The following SUPT3H variants were observed in gnomAD, a reference collection of about 807,000 sequenced individuals.
SUPT3H encodes transcription initiation protein SPT3 homolog.
SUPT3H carries 44 observed loss-of-function variants against 44.3 expected under a neutral mutation model. The observed-to-expected ratio is 0.99, with a 90% CI of 0.78 to 1.28. The LOEUF (loss-of-function observed/expected upper bound fraction) is 1.28, where lower values mean the gene tolerates loss of function less well. SUPT3H is among the 50% of genes most tolerant of loss of function. The pLI, the probability that SUPT3H is intolerant of heterozygous loss-of-function variation, is 0.00. For synonymous variants in SUPT3H, 124 were observed against 125.6 expected, an observed-to-expected ratio of 0.99 and a Z score of 0.09; for missense variants, 380 against 387.1, an observed-to-expected ratio of 0.98 and a Z score of 0.15.
intron 10 of SUPT3H, among the ~76,000 whole-genome samples, chr6:44,925,989 G>T (rs755935222): frequency 6.6e-6 from 1 of 151,892 alleles, no homozygotes; most frequent in Non-Finnish European, 1.5e-5. Flanking sequence ...CCTCAATATT[G>T]TATTCTTTAT....
intron 6 of SUPT3H, among the ~76,000 whole-genome samples, chr6:44,990,864 TTTA>T (rs371748290): frequency 6.8e-6 from 1 of 147,888 alleles, no homozygotes; most frequent in Non-Finnish European, 1.5e-5. Context: ...TTAAAATAAA[TTTA>T]TTATTTTAAT....
At chr6:45,039,628 A>T (rs1788206657) in intron 3 of SUPT3H, among the ~76,000 whole-genome samples, 1 of 151,962 alleles carries the variant, frequency 6.6e-6, no homozygotes, top group Non-Finnish European at 1.5e-5. Flanking sequence ...AAAAATACAA[A>T]ATTTAGCTGG....
intron 10 of SUPT3H, among the ~76,000 whole-genome samples, chr6:44,847,956 G>GTTTTT (rs1772167389): frequency 9.4e-6 from 1 of 106,798 alleles, no homozygotes; most frequent in Non-Finnish European, 1.9e-5. Context: ...TTATCTCTGT[G>GTTTTT]TCTTTTTTTT....
intron 2 of SUPT3H, among the ~76,000 whole-genome samples, chr6:45,331,521 G>A (rs1787505560): frequency 1.3e-5 from 2 of 151,672 alleles, no homozygotes; most frequent in African/African-American, 4.8e-5. Flanking sequence ...ACAAAGTTAA[G>A]AACAAACACA....
intron 6 of SUPT3H, among the ~76,000 whole-genome samples, chr6:44,984,486 A>C (rs943164517): frequency 3.3e-5 from 5 of 152,172 alleles, no homozygotes; most frequent in African/African-American, 1.2e-4. Context: ...ACATCCTTAT[A>C]AAATGAGAAA....
At chr6:45,374,657 C>G (rs1796522625) in intron 1 of SUPT3H, among the ~76,000 whole-genome samples, 1 of 152,096 alleles carries the variant, frequency 6.6e-6, no homozygotes, top group African/African-American at 2.4e-5. Flanking sequence ...TCAACCTCAC[C>G]ATAAAATAAA....
chr6:45,244,604 T>A (rs185805969), intron 2 of SUPT3H, among the ~76,000 whole-genome samples: 503 of 152,230 alleles, frequency 3.3e-3, no homozygotes, highest in Admixed American at 5.9e-3. Context: ...CTACACTAAT[T>A]TTACCCAATT....
intron 2 of SUPT3H, among the ~76,000 whole-genome samples, chr6:45,107,835 T>C (rs897436736): frequency 2.0e-5 from 3 of 152,192 alleles, no homozygotes; most frequent in African/African-American, 7.2e-5. Flanking sequence ...CTACAGCCTA[T>C]ACATACCTGA....
In SUPT3H at chr6:45,078,070, G is replaced by A. The variant is rs149623984; in HGVS notation, c.186+27852C>T. ...GTATTTTCAGTAGAGACAGAGTTTCGCCATGTTGGCCAGACTGGTCTTGAA... is the reference window on the plus strand; with the variant it reads ...GTATTTTCAGTAGAGACAGAGTTTCACCATGTTGGCCAGACTGGTCTTGAA... On this transcript the variant is annotated intron_variant, in intron 3 of 10. Transcript: ENST00000371459. Among the ~76,000 whole-genome samples, 392 of 152,178 alleles carry A rather than the reference G, an allele frequency of 2.6e-3. 3 individuals carry two copies. The highest frequency in any genetic ancestry group is 8.6e-3 in the African/African-American group (358 of 41,516).
chr6:45,373,451 G>T (rs1713053100), intron 1 of SUPT3H, among the ~76,000 whole-genome samples: 1 of 152,016 alleles, frequency 6.6e-6, no homozygotes, highest in Non-Finnish European at 1.5e-5. Flanking sequence ...AGAAAATGTT[G>T]GTTCTCCCTT....
At chr6:45,188,697 G>A (rs888540804) in intron 2 of SUPT3H, among the ~76,000 whole-genome samples, 1 of 151,702 alleles carries the variant, frequency 6.6e-6, no homozygotes, top group East Asian at 1.9e-4. Flanking sequence ...ATAAACTGAT[G>A]CTGAAAAATC....
intron 10 of SUPT3H, among the ~76,000 whole-genome samples, chr6:44,879,695 G>A (rs746489835): frequency 1.2e-4 from 18 of 152,248 alleles, no homozygotes; most frequent in Middle Eastern, 3.4e-3. Flanking sequence ...GGCATCTGGC[G>A]GGTGCCCCAC....
chr6:45,049,058 T>C lies in SUPT3H; in HGVS notation c.187-28426A>G, dbSNP rs566897057. On this transcript the variant is annotated intron_variant, in intron 3 of 10. Transcript: ENST00000371459. ...TCTTCTCACTACAAAAAAATTAATA[T>C]GTGAAGTAATACATATATTAATTAG... 3.3e-5 allele frequency among the ~76,000 whole-genome samples: 5 copies of C among 152,150 alleles called. No individual in the cohort carries two copies. In the East Asian group the frequency reaches 9.6e-4, roughly 29 times the overall value.
chr6:45,232,524 A>G (rs2153640953), intron 2 of SUPT3H, among the ~76,000 whole-genome samples: 1 of 152,292 alleles, frequency 6.6e-6, no homozygotes, highest in East Asian at 1.9e-4. Context: ...AGGCAGGCCA[A>G]TTCGTGGGCA....
chr6:45,295,347 G>A (rs1005117107), intron 2 of SUPT3H, among the ~76,000 whole-genome samples: 23 of 151,736 alleles, frequency 1.5e-4, no homozygotes, highest in African/African-American at 5.3e-4. Context: ...AACTCAAGAT[G>A]GATTAAGGAC....
intron 3 of SUPT3H, among the ~76,000 whole-genome samples, chr6:45,033,676 G>A (rs1038576139): frequency 2.0e-5 from 3 of 152,122 alleles, no homozygotes; most frequent in Admixed American, 6.6e-5. Context: ...TGAGGAGTGT[G>A]TAAAGTTAAC....
At chr6:45,199,906 G>C (rs1030932897) in intron 2 of SUPT3H, among the ~76,000 whole-genome samples, 3 of 151,332 alleles carry the variant, frequency 2.0e-5, no homozygotes, top group Non-Finnish European at 4.4e-5. Context: ...ATGTGAGTCT[G>C]TGGCTTAACT....
intron 2 of SUPT3H, among the ~76,000 whole-genome samples, chr6:45,345,414 C>G (rs1790644885): frequency 2.0e-5 from 3 of 152,122 alleles, no homozygotes; most frequent in Non-Finnish European, 4.4e-5. Flanking sequence ...GGCTTCATCT[C>G]AATTTCCATT....
chr6:44,859,264 T>G (rs191077232), intron 10 of SUPT3H, among the ~76,000 whole-genome samples: 1 of 152,300 alleles, frequency 6.6e-6, no homozygotes, highest in African/African-American at 2.4e-5. Flanking sequence ...TCCAAAGCTA[T>G]GTAAGGCAAA....
Sources: allele counts gnomAD v4.1 joint callset (sites outside exome capture counted in the v4.1 genomes callset), GRCh38; gene constraint gnomAD v4.1.1; transcripts MANE v1.5; gene names NCBI Gene and HGNC (gene_info 2026-07-23, HGNC 2026-07-21).